STARD13: variants seen among roughly 807,000 people sequenced by gnomAD.
STARD13 encodes the protein StAR related lipid transfer domain containing 13, also known as stAR-related lipid transfer protein 13.
In STARD13, 62 loss-of-function variants were observed where a neutral mutation model predicts 106.4. The ratio of observed to expected loss-of-function variants is 0.58; its 90% CI spans 0.48 to 0.72. STARD13 has a LOEUF of 0.72. Among genes scored for constraint, STARD13 ranks in the 30% least tolerant of loss-of-function variants. STARD13 has a pLI of 0.00. For missense variants in STARD13, 1,387 were observed against 1,424.0 expected (o/e 0.97, Z 0.42); for synonymous variants, 565 against 553.0 (o/e 1.02, Z -0.31).
chr13:33,437,066 GA>G, the STARD13 span, among the ~76,000 whole-genome samples: 17 of 152,066 alleles, frequency 1.1e-4, no homozygotes, highest in Non-Finnish European at 1.5e-5. Context: ...TCCAAAGAAA[GA>G]AAAAGTAAAA....
At chr13:33,523,124 C>T in the STARD13 span, among the ~76,000 whole-genome samples, 10 of 152,198 alleles carry the variant, frequency 6.6e-5, no homozygotes, top group African/African-American at 2.2e-4. Flanking sequence ...TAGCTCCTTT[C>T]CTCCTGACTT....
At chr13:33,471,156 G>C in the STARD13 span, among the ~76,000 whole-genome samples, 1 of 152,198 alleles carries the variant, frequency 6.6e-6, no homozygotes, top group South Asian at 2.1e-4. Flanking sequence ...AGCCAGAGCT[G>C]TGCAGGTTTT....
At chr13:33,410,216 T>G in the STARD13 span, among the ~76,000 whole-genome samples, 1 of 152,254 alleles carries the variant, frequency 6.6e-6, no homozygotes, top group Non-Finnish European at 1.5e-5. Context: ...TAGGTCATTG[T>G]CAGATGATTT....
At chr13:33,570,507 A>T in the STARD13 span, among the ~76,000 whole-genome samples, 2 of 148,304 alleles carry the variant, frequency 1.3e-5, no homozygotes, top group African/African-American at 4.9e-5. Flanking sequence ...CATAGAAATC[A>T]TCATTGGAAC....
At chr13:33,508,714 A>T in the STARD13 span, among the ~76,000 whole-genome samples, 2 of 152,212 alleles carry the variant, frequency 1.3e-5, no homozygotes, top group Admixed American at 6.6e-5. Flanking sequence ...CAGATGAAAG[A>T]TGCTTAATGT....
At chr13:33,622,865 AG>A in the STARD13 span, among the ~76,000 whole-genome samples, 17,030 of 149,526 alleles carry the variant, frequency 0.11, 2,457 homozygotes, top group African/African-American at 0.35. Context: ...GGTTGCAGTG[AG>A]CCGAGATCAC....
the STARD13 span, among the ~76,000 whole-genome samples, chr13:33,510,740 C>A: frequency 1.3e-5 from 2 of 152,098 alleles, no homozygotes; most frequent in Non-Finnish European, 2.9e-5. Flanking sequence ...GGAGAGCCTG[C>A]CCAATAATGC....
At chr13:33,582,231 AGAAAAAAAAG>A in the STARD13 span, among the ~76,000 whole-genome samples, 260 of 141,724 alleles carry the variant, frequency 1.8e-3, no homozygotes, top group African/African-American at 6.8e-3. Context: ...CAAAAAAAAA[AGAAAAAAAAG>A]ATGAAAAAGG....
chr13:33,138,708 C>T lies in STARD13; in HGVS notation c.387+3602G>A, dbSNP rs189044162. ...GGGAGTGGAGAGCCCGAGCTGCAGG[C>T]GGCAGAAGTGCTGGTGTCCTGTCTC... On this transcript the variant is annotated intron_variant, in intron 4 of 13. Transcript: ENST00000336934. The T allele has an allele frequency of 1.6e-3, 534 of 333,102 alleles. 3 individuals carry two copies. Among genetic ancestry groups the T allele is most frequent in the Non-Finnish European group, 1.5e-3 (247 of 167,164 alleles). The allele number at this position is 333,102 out of a possible 1,614,324, so 20.6% of individuals were successfully genotyped here.
the STARD13 span, among the ~76,000 whole-genome samples, chr13:33,499,179 T>G: frequency 6.6e-6 from 1 of 151,960 alleles, no homozygotes; most frequent in African/African-American, 2.4e-5. Flanking sequence ...AAAAACAAAT[T>G]TTAGCACAGA....
chr13:33,120,886 C>A (rs1450987641), intron 7 of STARD13, among the ~76,000 whole-genome samples: 7 of 151,948 alleles, frequency 4.6e-5, no homozygotes, highest in Non-Finnish European at 1.0e-4. Context: ...ATTACAGGCA[C>A]CTGCCACCAC....
the STARD13 span, among the ~76,000 whole-genome samples, chr13:33,605,789 T>G: frequency 2.0e-5 from 3 of 152,248 alleles, no homozygotes; most frequent in Non-Finnish European, 4.4e-5. Flanking sequence ...ACTGTTTTTC[T>G]AGATATATCA....
At chr13:33,422,661 AG>A in the STARD13 span, among the ~76,000 whole-genome samples, 24 of 152,322 alleles carry the variant, frequency 1.6e-4, no homozygotes, top group African/African-American at 5.8e-4. Flanking sequence ...AAAAGAACAA[AG>A]CTGGAGGCAT....
chr13:33,408,150 A>G, the STARD13 span, among the ~76,000 whole-genome samples: 1 of 152,034 alleles, frequency 6.6e-6, no homozygotes, highest in Non-Finnish European at 1.5e-5. Context: ...TTAAATTTGT[A>G]ATTGTGGTAA....
the STARD13 span, among the ~76,000 whole-genome samples, chr13:33,510,919 A>G: frequency 2.0e-5 from 3 of 152,228 alleles, no homozygotes; most frequent in Non-Finnish European, 4.4e-5. Flanking sequence ...TCACAAGCCA[A>G]ATAATCCTAA....
At chr13:33,650,230 A>G in the STARD13 span, among the ~76,000 whole-genome samples, 11 of 105,104 alleles carry the variant, frequency 1.0e-4, no homozygotes, top group South Asian at 3.5e-4. Flanking sequence ...TCACTCTGTC[A>G]CCCAGCCTGG....
the STARD13 span, among the ~76,000 whole-genome samples, chr13:33,623,635 C>T: frequency 2.6e-5 from 4 of 151,982 alleles, no homozygotes; most frequent in Non-Finnish European, 4.4e-5. Context: ...ATTTAATTAT[C>T]TGCATCTACC....
At chr13:33,485,402 CA>C in the STARD13 span, among the ~76,000 whole-genome samples, 1 of 151,440 alleles carries the variant, frequency 6.6e-6, no homozygotes, top group Admixed American at 6.6e-5. Flanking sequence ...TGTAAATATG[CA>C]AAACATATCC....
the STARD13 span, among the ~76,000 whole-genome samples, chr13:33,471,373 C>T: frequency 6.6e-6 from 1 of 152,182 alleles, no homozygotes; most frequent in Non-Finnish European, 1.5e-5. Context: ...CAGCCAGTTC[C>T]TGCAAATGCA....
Sources: gnomAD v4.1 joint callset for allele counts (sites outside exome capture counted in the v4.1 genomes callset) on GRCh38, gnomAD v4.1.1 for gene constraint, MANE v1.5 for transcripts, NCBI Gene and HGNC (gene_info 2026-07-23, HGNC 2026-07-21) for gene names.